Variants in ANKRD28 observed in about 807,000 individuals in gnomAD.
ANKRD28 encodes ankyrin repeat domain 28.
In ANKRD28, 44 loss-of-function variants were observed where a neutral mutation model predicts 126.5. The ratio of observed to expected loss-of-function variants is 0.35; its 90% confidence interval spans 0.27 to 0.45. ANKRD28 has a LOEUF of 0.45. ANKRD28 is among the 20% of genes least tolerant of loss of function. The pLI is 1.00. For synonymous variants in ANKRD28, 442 were observed against 468.5 expected, an observed-to-expected ratio of 0.94 and a Z score of 0.73; for missense variants, 1,110 against 1,316.6, an observed-to-expected ratio of 0.84 and a Z score of 2.43.
chr3:15,751,166 T>C (rs953060135), intron 4 of ANKRD28, among the ~76,000 whole-genome samples: 1 of 152,126 alleles, frequency 6.6e-6, no homozygotes, highest in Non-Finnish European at 1.5e-5. Context: ...CTGAAAGATA[T>C]GAGAAATATA....
At chr3:15,717,056 G>A (rs2073159179) in intron 8 of ANKRD28, among the ~76,000 whole-genome samples, 1 of 152,176 alleles carries the variant, frequency 6.6e-6, no homozygotes, top group Non-Finnish European at 1.5e-5. Context: ...CATTAATCTT[G>A]TTTTATAGAT....
At chr3:15,805,090 T>C (rs1396249775) in intron 1 of ANKRD28, among the ~76,000 whole-genome samples, 1 of 145,218 alleles carries the variant, frequency 6.9e-6, no homozygotes, top group African/African-American at 2.6e-5. Flanking sequence ...GTTACACATA[T>C]GAACTTAAGG....
intron 1 of ANKRD28, among the ~76,000 whole-genome samples, chr3:15,850,437 T>G (rs950218427): frequency 3.3e-5 from 5 of 152,034 alleles, no homozygotes; most frequent in Non-Finnish European, 7.4e-5. Context: ...CTCACAGTTG[T>G]GGAGAGTACT....
At chr3:15,671,887 A>G (rs1482698098) in intron 27 of ANKRD28, among the ~76,000 whole-genome samples, 3 of 152,050 alleles carry the variant, frequency 2.0e-5, no homozygotes, top group Admixed American at 2.0e-4. Context: ...CCCAGCCTAC[A>G]GTTTAGAGTT....
Position 15,818,713 on chromosome 3 carries a change from T to C in ANKRD28, c.28-23407A>G, listed in dbSNP as rs371056655. Among the ~76,000 whole-genome samples the C allele has an allele frequency of 1.1e-4, 17 of 152,304 alleles. No individual in the cohort carries two copies. The East Asian group carries it at 2.3e-3, about 21-fold the overall frequency. On this transcript the variant is annotated intron_variant, in intron 1 of 27. Coordinates refer to the ANKRD28 transcript ENST00000399451. ...ATACTTTAATATTTTTGGACCATAATTGACTGCAGGTGTTTCAAGCTATAG... is the reference window on the plus strand; with the variant it reads ...ATACTTTAATATTTTTGGACCATAACTGACTGCAGGTGTTTCAAGCTATAG...
In ANKRD28 at chr3:15,846,630, G is replaced by A. The variant is rs1227361547; in HGVS notation, c.27+12747C>T. On this transcript the variant is annotated intron_variant, in intron 1 of 27. Transcript: ENST00000399451. The surrounding 1 kb of genome is among the most constrained non-coding windows in gnomAD (Gnocchi z 5.4). ...GAGCTCCACTGATTAAAGTAATAGT[G>A]GATGCTGTAATGGATAAATCCCAAA... Among the ~76,000 whole-genome samples the A allele has an allele frequency of 6.6e-6, 1 of 152,210 alleles. No individual in the cohort carries two copies. Among genetic ancestry groups the A allele is most frequent in the Admixed American group, 6.5e-5 (1 of 15,284 alleles).
intron 1 of ANKRD28, among the ~76,000 whole-genome samples, chr3:15,804,537 TTATAATA>T (rs2060536920): frequency 6.9e-6 from 1 of 145,536 alleles, no homozygotes; most frequent in African/African-American, 2.6e-5. Context: ...AAACTATCAT[TTATAATA>T]TATAATTGTT....
chr3:15,742,281 T>A (rs1354996084), intron 4 of ANKRD28, among the ~76,000 whole-genome samples: 3 of 146,344 alleles, frequency 2.0e-5, no homozygotes, highest in Non-Finnish European at 4.5e-5. Context: ...CCATCCCATC[T>A]AGGAAGTGAG....
intron 1 of ANKRD28, among the ~76,000 whole-genome samples, chr3:15,818,789 G>C (rs2060884836): frequency 6.6e-6 from 1 of 152,144 alleles, no homozygotes; most frequent in African/African-American, 2.4e-5. Context: ...TCATGGTTGG[G>C]AAGACTCAAT....
rs2061253802 is a variant in ANKRD28, at chr3:15,833,555, A to G, written c.27+25822T>C. Among the ~76,000 whole-genome samples, 1 of 149,458 alleles carries G rather than the reference A, an allele frequency of 6.7e-6. No individual in the cohort carries two copies. The highest frequency in any genetic ancestry group is 2.4e-5 in the African/African-American group (1 of 40,944). The stretch of plus-strand genomic sequence containing the variant: ...ATATACATTATTTTTTATATATATA[A>G]TGTGTGTGTGTATATATATATCTCC... On this transcript the variant is annotated intron_variant, in intron 1 of 27. Transcript: ENST00000399451. This position sits in a 1 kb window ranked among gnomAD's most constrained non-coding sequence, Gnocchi z 4.4.
chr3:15,859,124 G>A (rs1398423600), intron 1 of ANKRD28, among the ~76,000 whole-genome samples: 1 of 152,190 alleles, frequency 6.6e-6, no homozygotes, highest in Admixed American at 6.5e-5. Flanking sequence ...GGCGGTGAGC[G>A]TGGAACCCGC....
chr3:15,801,169 T>C (rs1412531360), upstream of ANKRD28, among the ~76,000 whole-genome samples: 3 of 152,190 alleles, frequency 2.0e-5, no homozygotes, highest in Admixed American at 2.0e-4. The surrounding 1 kb of genome is among the most constrained non-coding windows in gnomAD (Gnocchi z 4.9). Flanking sequence ...ATAATCCTTC[T>C]ATTCTTTATA....
chr3:15,859,578 C>CG (rs2061861358), exon 1 of ANKRD28: 1 of 265,218 alleles, frequency 3.8e-6, no homozygotes, highest in Non-Finnish European at 5.7e-6. Context: ...CCTCCCCGGC[C>CG]GCCCGCCGCC....
upstream of ANKRD28, chr3:15,798,036 A>G: frequency 1.0e-6 from 1 of 985,414 alleles, no homozygotes; most frequent in Non-Finnish European, 1.2e-6. Context: ...GTGCATTTGG[A>G]CAGCCTTCAC....
chr3:15,695,507 C>T (rs1255936787), intron 15 of ANKRD28, among the ~76,000 whole-genome samples: 1 of 152,068 alleles, frequency 6.6e-6, no homozygotes, highest in South Asian at 2.1e-4. Context: ...TATATCTACG[C>T]TCGTTGAATT....
chr3:15,718,035 G>A (rs568732915), intron 8 of ANKRD28, among the ~76,000 whole-genome samples: 1 of 152,176 alleles, frequency 6.6e-6, no homozygotes, highest in South Asian at 2.1e-4. Context: ...ATAATAAAGG[G>A]CAAGTGTAAA....
intron 23 of ANKRD28, among the ~76,000 whole-genome samples, chr3:15,679,046 C>A (rs1422773540): frequency 1.3e-5 from 2 of 152,158 alleles, no homozygotes; most frequent in Non-Finnish European, 2.9e-5. Context: ...GCAATCATAG[C>A]TCACTGTTGC....
chr3:15,712,527 A>G (rs1051651218), intron 10 of ANKRD28, among the ~76,000 whole-genome samples: 3 of 152,208 alleles, frequency 2.0e-5, no homozygotes, highest in Non-Finnish European at 4.4e-5. Context: ...GCTCTACCCA[A>G]TGGATGTCAT....
chr3:15,787,331 G>A (rs1372361192), intron 2 of ANKRD28, among the ~76,000 whole-genome samples: 2 of 152,120 alleles, frequency 1.3e-5, no homozygotes, highest in South Asian at 4.1e-4. Flanking sequence ...TAGTGACATA[G>A]GACATATACT....
Sources: gnomAD v4.1 joint callset for allele counts (sites outside exome capture counted in the v4.1 genomes callset) on GRCh38, gnomAD v4.1.1 for gene constraint, Gnocchi (gnomAD v3.1) non-coding constraint, MANE v1.5 for transcripts, NCBI Gene and HGNC (gene_info 2026-07-23, HGNC 2026-07-21) for gene names.